KCNG3: variants seen among roughly 807,000 people sequenced by gnomAD.
KCNG3 encodes voltage-gated potassium channel regulatory subunit KCNG3.
In KCNG3, 15 loss-of-function variants were observed where a neutral mutation model predicts 29.0. That is an observed-to-expected ratio of 0.52 (90% CI 0.35 to 0.80). The LOEUF (loss-of-function observed/expected upper bound fraction) is 0.80. Among genes scored for constraint, KCNG3 ranks in the 30% least tolerant of loss-of-function variants. The probability of loss-of-function intolerance (pLI) is 0.01; values close to 1 mark genes in which losing one functional copy is unlikely to be tolerated. For synonymous variants in KCNG3, 322 were observed against 248.9 expected (o/e 1.29, Z -2.76); for missense variants, 512 against 605.7 (o/e 0.85, Z 1.62).
At chr2:42,421,145 A>G in the KCNG3 span, among the ~76,000 whole-genome samples, 1 of 152,238 alleles carries the variant, frequency 6.6e-6, no homozygotes, top group Non-Finnish European at 1.5e-5. Flanking sequence ...ACAGGGAAAA[A>G]GCACAAAAGG....
chr2:42,474,693 C>T (rs1236024321), intron 1 of KCNG3, among the ~76,000 whole-genome samples: 1 of 151,952 alleles, frequency 6.6e-6, no homozygotes, highest in African/African-American at 2.4e-5. Context: ...TTAATTTTGC[C>T]CTGATATATT....
the KCNG3 span, among the ~76,000 whole-genome samples, chr2:42,421,982 T>G: frequency 1.3e-5 from 2 of 152,160 alleles, no homozygotes; most frequent in African/African-American, 4.8e-5. Context: ...AGAGACACAG[T>G]GAGAAGCCAT....
intron 1 of KCNG3, among the ~76,000 whole-genome samples, chr2:42,489,668 C>G (rs1308941656): frequency 1.3e-5 from 2 of 150,956 alleles, no homozygotes; most frequent in African/African-American, 2.4e-5. Flanking sequence ...GATGAATAAT[C>G]CAATTTCAGC....
At chr2:42,409,424 C>G in the KCNG3 span, among the ~76,000 whole-genome samples, 2 of 151,634 alleles carry the variant, frequency 1.3e-5, no homozygotes, top group Non-Finnish European at 2.9e-5. Context: ...TTTTTTAAGG[C>G]TGGGCGAGTT....
intron 1 of KCNG3, among the ~76,000 whole-genome samples, chr2:42,453,606 T>A (rs1672813887): frequency 6.6e-6 from 1 of 152,242 alleles, no homozygotes; most frequent in African/African-American, 2.4e-5. Flanking sequence ...TTCTGGTTTT[T>A]AATCCCTTGT....
chr2:42,417,640 T>C, the KCNG3 span, among the ~76,000 whole-genome samples: 1 of 152,056 alleles, frequency 6.6e-6, no homozygotes, highest in Non-Finnish European at 1.5e-5. Context: ...GTATAGAAAA[T>C]TACGTGCTCA....
At chr2:42,437,637 T>A (rs1672397356), downstream of KCNG3, among the ~76,000 whole-genome samples, 1 of 152,106 alleles carries the variant, frequency 6.6e-6, no homozygotes, top group Non-Finnish European at 1.5e-5. Context: ...TAGGTATGGT[T>A]TTAAAAAATA....
chr2:42,481,155 T>C (rs1225123336), intron 1 of KCNG3, among the ~76,000 whole-genome samples: 1 of 152,176 alleles, frequency 6.6e-6, no homozygotes, highest in Admixed American at 6.6e-5. Flanking sequence ...CGGGTTATAG[T>C]CTGCCCACCC....
chr2:42,476,753 G>T (rs895880622), intron 1 of KCNG3, among the ~76,000 whole-genome samples: 7 of 151,556 alleles, frequency 4.6e-5, no homozygotes, highest in Middle Eastern at 3.4e-3. Flanking sequence ...GCCTCCCAAA[G>T]TGCTGGGATT....
At chr2:42,388,710 C>T in the KCNG3 span, 1 of 152,126 alleles carries the variant, frequency 6.6e-6, no homozygotes, top group African/African-American at 2.4e-5. Context: ...TCCTAAGAGC[C>T]CTATCCTCAA....
the KCNG3 span, among the ~76,000 whole-genome samples, chr2:42,432,128 G>A: frequency 5.3e-5 from 8 of 152,132 alleles, no homozygotes; most frequent in East Asian, 1.9e-4. Context: ...CTCTCAGGGT[G>A]TCAGGGCAAG....
chr2:42,397,159 C>A, the KCNG3 span, among the ~76,000 whole-genome samples: 1 of 151,634 alleles, frequency 6.6e-6, no homozygotes, highest in Non-Finnish European at 1.5e-5. Context: ...GCAGGAAAAT[C>A]GCTTAAACCC....
At chr2:42,446,807 C>T (rs1488814179) in intron 1 of KCNG3, among the ~76,000 whole-genome samples, 2 of 152,050 alleles carry the variant, frequency 1.3e-5, no homozygotes. Context: ...TTCACATTCA[C>T]ATGGCTTAAA....
chr2:42,454,092 C>T (rs892000996), intron 1 of KCNG3, among the ~76,000 whole-genome samples: 4 of 69,284 alleles, frequency 5.8e-5, no homozygotes, highest in South Asian at 7.0e-4. Flanking sequence ...GGCTACTATA[C>T]CAAAAAAAAA....
intron 1 of KCNG3, among the ~76,000 whole-genome samples, chr2:42,461,177 C>CAAAAAAAA (rs1482021088): frequency 5.2e-5 from 1 of 19,244 alleles, no homozygotes; most frequent in African/African-American, 1.8e-4. Flanking sequence ...CAAAACAAAA[C>CAAAAAAAA]AAAACAAAAA....
chr2:42,424,044 C>T, the KCNG3 span, among the ~76,000 whole-genome samples: 1 of 152,170 alleles, frequency 6.6e-6, no homozygotes, highest in Non-Finnish European at 1.5e-5. Flanking sequence ...CCTTTAGGCT[C>T]AAGACCCCCA....
chr2:42,492,982 C>A lies in KCNG3; in HGVS notation c.520G>T (p.Ala174Ser). 2 of 1,546,418 alleles carry A rather than the reference C, an allele frequency of 1.3e-6. No homozygotes were observed. The highest frequency in any genetic ancestry group is 8.7e-7 in the Non-Finnish European group (1 of 1,149,946). The change falls in exon 1 of 2, where the codon GCT becomes TCT. Residue 174 changes from alanine (A) to serine (S), a missense_variant. By Grantham distance (99) the Ala-to-Ser change is moderately conservative. This residue lies in a region of KCNG3 where 228 missense variants were observed against 200.0 expected (regional missense o/e 1.14). Coordinates refer to ENST00000306078, the MANE Select transcript of KCNG3 (RefSeq NM_133329.6). ...ATCACGAACACCACCGACACGCTAGCCAGGATCTGCGCGGCCAGCGACGAC... is the reference window on the plus strand; with the variant it reads ...ATCACGAACACCACCGACACGCTAGACAGGATCTGCGCGGCCAGCGACGAC... Reference protein sequence around the residue: ...PTSSLAAQILASVSVVFVIVS... With the variant: ...PTSSLAAQILSSVSVVFVIVS...
chr2:42,405,152 A>G, the KCNG3 span, among the ~76,000 whole-genome samples: 3 of 152,248 alleles, frequency 2.0e-5, no homozygotes, highest in East Asian at 5.8e-4. Flanking sequence ...GGAGATGGAA[A>G]TAACTATCCA....
intron 1 of KCNG3, among the ~76,000 whole-genome samples, chr2:42,485,019 T>A (rs1673685740): frequency 6.6e-6 from 1 of 152,226 alleles, no homozygotes; most frequent in Non-Finnish European, 1.5e-5. Flanking sequence ...TTAAAGTACT[T>A]AAAACCTATT....
Sources: gnomAD v4.1 joint callset for allele counts (sites outside exome capture counted in the v4.1 genomes callset) on GRCh38, gnomAD v4.1.1 for gene constraint, gnomAD v4.1.1 regional missense constraint, MANE v1.5 for transcripts, NCBI Gene and HGNC (gene_info 2026-07-23, HGNC 2026-07-21) for gene names.